Variants in PALS2 observed in about 807,000 individuals in gnomAD.
The protein encoded by PALS2 is protein associated with LIN7 2, MAGUK p55 family member, also known as protein PALS2.
PALS2 carries 27 observed loss-of-function variants against 61.6 expected under a neutral mutation model. The observed-to-expected ratio is 0.44, with a 90% CI of 0.32 to 0.60. The LOEUF (loss-of-function observed/expected upper bound fraction) is 0.60, where lower values mean the gene tolerates loss of function less well. PALS2 is among the 20% of genes least tolerant of loss of function. PALS2 has a pLI of 0.05. For missense variants in PALS2, 554 were observed against 639.4 expected (o/e 0.87, Z 1.44); for synonymous variants, 236 against 218.6 (o/e 1.08, Z -0.70).
At chr7:24,581,370 A>G (rs1360854895) in intron 1 of PALS2, among the ~76,000 whole-genome samples, 2 of 152,120 alleles carry the variant, frequency 1.3e-5, no homozygotes, top group Non-Finnish European at 2.9e-5. Flanking sequence ...TCCCCATCAC[A>G]AGATCTTTAA....
chr7:24,594,615 C>A (rs933450476), intron 1 of PALS2, among the ~76,000 whole-genome samples: 1 of 151,920 alleles, frequency 6.6e-6, no homozygotes, highest in African/African-American at 2.4e-5. Context: ...GAGAGGGAGA[C>A]GAGGAATGGC....
chr7:24,627,344 C>G (rs1305787559), intron 2 of PALS2, among the ~76,000 whole-genome samples: 1 of 152,184 alleles, frequency 6.6e-6, no homozygotes, highest in Admixed American at 6.5e-5. Context: ...ACCAGAATCT[C>G]TGGGACACAG....
At chr7:24,662,362 T>C (rs1786768473) in intron 5 of PALS2, among the ~76,000 whole-genome samples, 1 of 152,216 alleles carries the variant, frequency 6.6e-6, no homozygotes, top group South Asian at 2.1e-4. Context: ...CATTGTTATT[T>C]TGACTAATTG....
intron 2 of PALS2, among the ~76,000 whole-genome samples, chr7:24,634,380 G>A (rs963750698): frequency 1.3e-4 from 20 of 152,032 alleles, no homozygotes; most frequent in African/African-American, 4.1e-4. Flanking sequence ...ACAGGCGCCC[G>A]CCATCACACC....
intron 5 of PALS2, among the ~76,000 whole-genome samples, chr7:24,653,947 T>C (rs147278398): frequency 1.3e-5 from 2 of 152,244 alleles, no homozygotes; most frequent in East Asian, 3.9e-4. Flanking sequence ...CCACTTACTA[T>C]TGGGGAAGTG....
At chr7:24,599,614 C>T (rs990368045) in intron 1 of PALS2, among the ~76,000 whole-genome samples, 9 of 144,344 alleles carry the variant, frequency 6.2e-5, no homozygotes, top group Non-Finnish European at 1.2e-4. Context: ...CAGTGATTTT[C>T]CCGTCCCAGC....
chr7:24,667,402 A>G (rs1787079003), intron 8 of PALS2, among the ~76,000 whole-genome samples: 3 of 152,148 alleles, frequency 2.0e-5, no homozygotes, highest in Non-Finnish European at 4.4e-5. Context: ...TCAAACTGAT[A>G]ATTGTTGATT....
At chr7:24,649,274 A>T (rs1786014610) in intron 3 of PALS2, among the ~76,000 whole-genome samples, 1 of 152,118 alleles carries the variant, frequency 6.6e-6, no homozygotes, top group Non-Finnish European at 1.5e-5. Flanking sequence ...GAATGATATG[A>T]TGACAGTGGT....
intron 2 of PALS2, among the ~76,000 whole-genome samples, chr7:24,637,994 A>G (rs1023617660): frequency 3.3e-5 from 5 of 152,190 alleles, no homozygotes; most frequent in African/African-American, 1.2e-4. Flanking sequence ...TTATTTAAAT[A>G]GTATGTGGCT....
At chr7:24,674,217 G>A (rs563462758) in intron 9 of PALS2, 3 of 152,742 alleles carry the variant, frequency 2.0e-5, no homozygotes, top group Admixed American at 6.5e-5. Flanking sequence ...ATGGCAGAAC[G>A]GGAACCCATC....
chr7:24,608,623 T>C (rs1784009471), intron 1 of PALS2, among the ~76,000 whole-genome samples: 1 of 152,194 alleles, frequency 6.6e-6, no homozygotes, highest in South Asian at 2.1e-4. Context: ...TTAATTTTTG[T>C]TTTTATTTTA....
chr7:24,691,681 T>A lies in PALS2; in HGVS notation c.*4067T>A, dbSNP rs1788486766. On this transcript the variant is annotated 3_prime_UTR_variant, in exon 12 of 12. Coordinates refer to ENST00000222644, the MANE Select transcript of PALS2 (RefSeq NM_001303037.2). ...TAGTCATTATTATAATAAATTTAAT[T>A]TTCTTAGGGAAAAAGGGCAGGGTTC... 6.6e-6 allele frequency: 1 copy of A among 151,722 alleles called. No individual in the cohort carries two copies. Among genetic ancestry groups the A allele is most frequent in the Admixed American group, 6.6e-5 (1 of 15,228 alleles). The allele number at this position is 151,722 out of a possible 1,614,324, so 9.4% of individuals were successfully genotyped here. A position where few individuals can be genotyped will look rare whatever the true frequency, so the allele number is the denominator to read the frequency against.
intron 1 of PALS2, among the ~76,000 whole-genome samples, chr7:24,595,492 A>G (rs554333530): frequency 2.4e-3 from 294 of 123,552 alleles, no homozygotes; most frequent in Non-Finnish European, 3.7e-3. Flanking sequence ...TATATATTAT[A>G]TATTTTTAAT....
chr7:24,577,751 T>G (rs528419383), intron 1 of PALS2, among the ~76,000 whole-genome samples: 19 of 152,272 alleles, frequency 1.2e-4, no homozygotes, highest in Admixed American at 5.9e-4. Flanking sequence ...TATCATCTTT[T>G]CAGACAAGCA....
chr7:24,665,177 A>G (rs1421230737), intron 6 of PALS2, among the ~76,000 whole-genome samples: 1 of 152,192 alleles, frequency 6.6e-6, no homozygotes, highest in Non-Finnish European at 1.5e-5. Flanking sequence ...TCCACATAGT[A>G]TCTCCTTTTC....
intron 3 of PALS2, among the ~76,000 whole-genome samples, chr7:24,644,223 C>G (rs1156900086): frequency 1.3e-5 from 2 of 151,508 alleles, no homozygotes; most frequent in East Asian, 3.9e-4. Flanking sequence ...AGCCCAGTAC[C>G]CAATAGTTAT....
intron 2 of PALS2, among the ~76,000 whole-genome samples, chr7:24,631,425 T>G (rs1784992442): frequency 6.6e-6 from 1 of 152,206 alleles, no homozygotes; most frequent in South Asian, 2.1e-4. Context: ...AAGGAGTTGC[T>G]TCTTGTGGAG....
intron 9 of PALS2, among the ~76,000 whole-genome samples, chr7:24,670,292 G>C (rs11978265): frequency 0.074 from 11,161 of 150,156 alleles, 1,043 homozygotes; most frequent in African/African-American, 0.21. Context: ...ACAGTTTTTT[G>C]TTGTTTTTTA....
intron 1 of PALS2, among the ~76,000 whole-genome samples, chr7:24,622,642 T>C (rs1465975491): frequency 6.6e-6 from 1 of 151,668 alleles, no homozygotes; most frequent in Non-Finnish European, 1.5e-5. Context: ...GTTTTACTTA[T>C]TGCTTTCTAG....
Sources: gnomAD v4.1 joint callset for allele counts (sites outside exome capture counted in the v4.1 genomes callset) on GRCh38, gnomAD v4.1.1 for gene constraint, MANE v1.5 for transcripts, NCBI Gene and HGNC (gene_info 2026-07-23, HGNC 2026-07-21) for gene names.